Variants in TNRC6C observed in about 807,000 individuals in gnomAD.
TNRC6C encodes the protein trinucleotide repeat-containing gene 6C protein.
Under a neutral mutation model 153.7 loss-of-function variants are expected in TNRC6C, and 20 were observed. That is an observed-to-expected ratio of 0.13 (90% CI 0.09 to 0.19). The LOEUF (loss-of-function observed/expected upper bound fraction) is 0.19, where lower values mean the gene tolerates loss of function less well. Ranked by LOEUF, TNRC6C falls within the 10% of genes least tolerant of loss-of-function variation. The probability of loss-of-function intolerance (pLI) is 1.00; values close to 1 mark genes in which losing one functional copy is unlikely to be tolerated. For missense variants in TNRC6C, 1,987 were observed against 2,172.0 expected (o/e 0.91, Z 1.69); for synonymous variants, 811 against 841.4 (o/e 0.96, Z 0.63).
intron 16 of TNRC6C, 87 bp from the exon 20 acceptor site, chr17:78,098,256 G>GA: frequency 7.7e-7 from 1 of 1,306,106 alleles, no homozygotes; most frequent in East Asian, 2.6e-5. Flanking sequence ...TGGTGTTAGA[G>GA]AGCACTCTGT....
intron 2 of TNRC6C, among the ~76,000 whole-genome samples, chr17:78,036,490 A>C (rs2072180591): frequency 6.6e-6 from 1 of 152,212 alleles, no homozygotes; most frequent in Non-Finnish European, 1.5e-5. Context: ...TACAGATAAA[A>C]TTAAACAATA....
At chr17:78,074,699 AT>A (rs2073054718) in intron 7 of TNRC6C, among the ~76,000 whole-genome samples, 1 of 152,242 alleles carries the variant, frequency 6.6e-6, no homozygotes, top group Admixed American at 6.5e-5. Context: ...GTAGGAGAGG[AT>A]CTTTTGCAGA....
At position 78,079,046 on chromosome 17, in the gene TNRC6C, G is replaced by A. The variant is rs1598765967; in HGVS notation, c.3211-349G>A. 6.6e-6 allele frequency among the ~76,000 whole-genome samples: 1 copy of A among 151,478 alleles called. No homozygotes were observed. Among genetic ancestry groups the A allele is most frequent in the Admixed American group, 6.6e-5 (1 of 15,170 alleles). On this transcript the variant is annotated intron_variant, in intron 9 of 19. Transcript: ENST00000301624. This position sits in a 1 kb window ranked among gnomAD's most constrained non-coding sequence, Gnocchi z 4.3. ...GTAGAGGTTGCAGTGAGCTGAGATC[G>A]CACTACTGCATTCCAGCCTGGGTGA... is the stretch of plus-strand genomic sequence containing the variant.
rs142438156 is a variant in TNRC6C at position 78,055,531 on chromosome 17, T to A, written c.2395+4074T>A. Among the ~76,000 whole-genome samples the A allele has an allele frequency of 1.4e-3, 215 of 152,314 alleles. 1 individual carries two copies. Among genetic ancestry groups the A allele is most frequent in the African/African-American group, 4.3e-3 (180 of 41,556 alleles). ...GTATGGCGTCACTAGGTGATGGGAA[T>A]TTTTCAGCTCCATTATATATAATCT... is the stretch of plus-strand genomic sequence containing the variant. On this transcript the variant is annotated intron_variant, in intron 3 of 19. Transcript: ENST00000301624.
intron 1 of TNRC6C, among the ~76,000 whole-genome samples, chr17:78,023,076 A>G (rs1217140174): frequency 1.3e-5 from 2 of 152,076 alleles, no homozygotes; most frequent in African/African-American, 4.8e-5. Flanking sequence ...ACTTAAGCTC[A>G]GGAATTCAAG....
chr17:78,047,965 G>C (rs1182565762), intron 2 of TNRC6C, among the ~76,000 whole-genome samples: 1 of 152,016 alleles, frequency 6.6e-6, no homozygotes, highest in Non-Finnish European at 1.5e-5. Context: ...TCTTTAAAAG[G>C]ACCCGAAGAG....
intron 1 of TNRC6C, among the ~76,000 whole-genome samples, chr17:78,025,554 T>C (rs961733389): frequency 1.3e-5 from 2 of 152,174 alleles, no homozygotes; most frequent in Non-Finnish European, 2.9e-5. Context: ...AACATTTGTG[T>C]GCAGGTTTTT....
chr17:78,031,687 A>G, exon 2 of TNRC6C: 1 of 1,232,356 alleles, frequency 8.1e-7, no homozygotes, highest in Non-Finnish European at 1.0e-6. Context: ...CGCTTCCGCC[A>G]GCAAGAACAG....
At chr17:78,074,038 T>C (rs1290060300) in intron 7 of TNRC6C, among the ~76,000 whole-genome samples, 1 of 152,210 alleles carries the variant, frequency 6.6e-6, no homozygotes, top group African/African-American at 2.4e-5. Context: ...ATCATTGAAC[T>C]CAGGGCCAAC....
intron 1 of TNRC6C, among the ~76,000 whole-genome samples, chr17:77,968,522 A>G (rs896404504): frequency 2.7e-5 from 4 of 150,808 alleles, no homozygotes; most frequent in Admixed American, 2.0e-4. Context: ...TTGTATTTTT[A>G]GTAGAGACAG....
At chr17:78,061,589 C>T (rs973319481) in intron 3 of TNRC6C, among the ~76,000 whole-genome samples, 1 of 152,120 alleles carries the variant, frequency 6.6e-6, no homozygotes, top group Non-Finnish European at 1.5e-5. Flanking sequence ...GCAGGAGGAT[C>T]GCTTGAATCT....
intron 1 of TNRC6C, among the ~76,000 whole-genome samples, chr17:78,006,126 C>T (rs543480957): frequency 2.6e-5 from 4 of 152,184 alleles, no homozygotes; most frequent in East Asian, 3.9e-4. Context: ...GAAAGGAATT[C>T]GTTTACAGAT....
At chr17:77,967,451 CT>C (rs2070906677) in intron 1 of TNRC6C, among the ~76,000 whole-genome samples, 1 of 152,010 alleles carries the variant, frequency 6.6e-6, no homozygotes, top group African/African-American at 2.4e-5. Flanking sequence ...GGTTTTTAAT[CT>C]TTTAGAATAA....
At chr17:78,016,988 C>T (rs1423630792) in intron 1 of TNRC6C, among the ~76,000 whole-genome samples, 2 of 152,156 alleles carry the variant, frequency 1.3e-5, no homozygotes, top group Non-Finnish European at 2.9e-5. Flanking sequence ...GAAGTTTCAA[C>T]CCCAAGGCCA....
chr17:77,968,890 C>T (rs2070919531), intron 1 of TNRC6C, among the ~76,000 whole-genome samples: 1 of 152,204 alleles, frequency 6.6e-6, no homozygotes, highest in Non-Finnish European at 1.5e-5. Context: ...TGTTTTCCCA[C>T]TTGCCCTCCT....
chr17:78,006,677 TTCA>T (rs1375973485), intron 1 of TNRC6C, among the ~76,000 whole-genome samples: 4 of 151,166 alleles, frequency 2.6e-5, no homozygotes, highest in Non-Finnish European at 4.4e-5. Context: ...AGCTATATTC[TTCA>T]TCATTGTCAC....
At chr17:78,016,827 T>C (rs2071737806) in intron 1 of TNRC6C, among the ~76,000 whole-genome samples, 1 of 152,222 alleles carries the variant, frequency 6.6e-6, no homozygotes, top group African/African-American at 2.4e-5. Context: ...TTACGTAGAT[T>C]AGCAATCAAT....
chr17:78,077,601 G>A (rs533904058), intron 9 of TNRC6C: 5 of 507,538 alleles, frequency 9.9e-6, no homozygotes, highest in South Asian at 8.3e-5. Context: ...CTTGGGACTG[G>A]CTAAAGTGAT....
chr17:78,095,617 C>T (rs191714029), intron 16 of TNRC6C, among the ~76,000 whole-genome samples: 3 of 152,340 alleles, frequency 2.0e-5, no homozygotes, highest in Admixed American at 6.5e-5. Context: ...CCCTTCAGCT[C>T]GTGACCAGCA....
Sources: allele counts gnomAD v4.1 joint callset (sites outside exome capture counted in the v4.1 genomes callset), GRCh38; gene constraint gnomAD v4.1.1; non-coding constraint Gnocchi (gnomAD v3.1); transcripts MANE v1.5; gene names NCBI Gene and HGNC (gene_info 2026-07-23, HGNC 2026-07-21).